Variants in EPS15 observed in about 807,000 individuals in gnomAD.
The protein encoded by EPS15 is epidermal growth factor receptor substrate 15.
A neutral mutation model predicts 113.8 loss-of-function variants in EPS15; 72 were observed. The ratio of observed to expected loss-of-function variants is 0.63; its 90% CI spans 0.52 to 0.77. EPS15 has a LOEUF of 0.77. Among genes scored for constraint, EPS15 ranks in the 30% least tolerant of loss-of-function variants. EPS15 has a pLI of 0.00. For synonymous variants in EPS15, 344 were observed against 363.4 expected (o/e 0.95, Z 0.61); for missense variants, 1,048 against 1,045.8 (o/e 1.00, Z -0.03).
intron 7 of EPS15, among the ~76,000 whole-genome samples, chr1:51,462,870 ATTTTTTTTTTTT>A (rs34320767): frequency 9.0e-6 from 1 of 111,070 alleles, no homozygotes; most frequent in Non-Finnish European, 1.8e-5. Flanking sequence ...AAAAAGTCAG[ATTTTTTTTTTTT>A]TTTTTTTTTT....
intron 1 of EPS15, among the ~76,000 whole-genome samples, chr1:51,509,731 T>C (rs1644584741): frequency 1.3e-5 from 2 of 152,232 alleles, no homozygotes; most frequent in South Asian, 4.1e-4. Context: ...TACCTTCTAC[T>C]ATGTCTACAA....
chr1:51,498,194 T>C (rs764194108), intron 1 of EPS15, among the ~76,000 whole-genome samples: 2 of 152,130 alleles, frequency 1.3e-5, no homozygotes, highest in African/African-American at 2.4e-5. Context: ...TCATAAAAGG[T>C]ACAATGGAAC....
intron 2 of EPS15, among the ~76,000 whole-genome samples, chr1:51,473,894 T>C (rs1312963873): frequency 6.6e-6 from 1 of 152,110 alleles, no homozygotes; most frequent in African/African-American, 2.4e-5. Flanking sequence ...AAGAAAAACA[T>C]GGCCTAATCC....
intron 21 of EPS15, chr1:51,372,651 G>T: frequency 2.3e-6 from 1 of 443,632 alleles, no homozygotes. Flanking sequence ...AAAGGATCTG[G>T]GGCTGCCCAC....
chr1:51,367,917 A>C (rs1646543659), intron 21 of EPS15, among the ~76,000 whole-genome samples: 1 of 152,228 alleles, frequency 6.6e-6, no homozygotes, highest in Non-Finnish European at 1.5e-5. Context: ...AGATCACCTG[A>C]GGTCAGGAGT....
At chr1:51,501,150 G>A (rs1644404660) in intron 1 of EPS15, among the ~76,000 whole-genome samples, 1 of 152,070 alleles carries the variant, frequency 6.6e-6, no homozygotes, top group Non-Finnish European at 1.5e-5. Context: ...GCTCACGCCT[G>A]TAATCCCAGC....
chr1:51,423,160 G>C (rs146282044), intron 12 of EPS15: 1 of 1,265,188 alleles, frequency 7.9e-7, no homozygotes, highest in East Asian at 5.6e-5. Context: ...AAAGCTATTT[G>C]TACACTGTTA....
intron 1 of EPS15, among the ~76,000 whole-genome samples, chr1:51,482,491 A>T (rs1447940369): frequency 6.6e-6 from 1 of 152,104 alleles, no homozygotes; most frequent in Non-Finnish European, 1.5e-5. Flanking sequence ...GAGTAAAAAA[A>T]AATGAAGTCG....
intron 23 of EPS15, 152 bp downstream of exon 23, chr1:51,363,714 G>T: frequency 1.9e-6 from 1 of 537,682 alleles, no homozygotes; most frequent in Non-Finnish European, 3.1e-6. Flanking sequence ...CTGTAATTCA[G>T]CAGTTAGGTC....
chr1:51,504,106 T>C (rs533507093), intron 1 of EPS15, among the ~76,000 whole-genome samples: 1 of 152,230 alleles, frequency 6.6e-6, no homozygotes, highest in Admixed American at 6.5e-5. Context: ...AAATTAGACT[T>C]TATAAAAATT....
At chr1:51,468,933 A>C (rs111639813) in intron 4 of EPS15, among the ~76,000 whole-genome samples, 197 of 152,104 alleles carry the variant, frequency 1.3e-3, no homozygotes, top group African/African-American at 4.4e-3. Context: ...TATGAGACCA[A>C]CCTGGCCAAC....
rs561036982 is a variant in EPS15, at chr1:51,433,713, G to C, written c.1040+6634C>G. On this transcript the variant is annotated intron_variant, in intron 12 of 24. Coordinates refer to ENST00000371733, the MANE Select transcript of EPS15 (RefSeq NM_001981.3). ...AGTGAACTTACATAAAGAAGGCACA[G>C]TACAATGCCTGATAACTATTATTCT... 1.6e-4 allele frequency among the ~76,000 whole-genome samples: 25 copies of C among 152,348 alleles called. No homozygotes were observed. In the South Asian group the frequency reaches 4.6e-3, roughly 28 times the overall value.
intron 19 of EPS15, 106 bp from the exon 20 acceptor site, chr1:51,399,271 C>T (rs567616750): frequency 1.0e-5 from 11 of 1,068,914 alleles, no homozygotes; most frequent in Non-Finnish European, 1.5e-5. Context: ...CAGTCTGGGG[C>T]CAGGTGCAGT....
chr1:51,365,070 A>C (rs1646478689), intron 22 of EPS15, among the ~76,000 whole-genome samples: 1 of 152,130 alleles, frequency 6.6e-6, no homozygotes, highest in Non-Finnish European at 1.5e-5. Flanking sequence ...GAGCTCAGAC[A>C]ATCCACCTGC....
rs150047727 is a variant in EPS15 at position 51,471,814 on chromosome 1, T to C, written c.166-77A>G. ...TGAATGATAAATTAAATCTCTGCTA[T>C]TTACAACCTCAGGCTCTCTGGTAAT... On this transcript the variant is annotated intron_variant, in intron 3 of 24. Coordinates refer to ENST00000371733, the MANE Select transcript of EPS15 (RefSeq NM_001981.3). The C allele has an allele frequency of 3.6e-4, 371 of 1,034,120 alleles. 1 individual carries two copies. The East Asian group carries it at 5.5e-3, about 15-fold the overall frequency. 64.1% of individuals were successfully genotyped at this position (1,034,120 alleles called of 1,614,324 possible).
chr1:51,444,889 C>G lies in EPS15; in HGVS notation c.954G>C (p.Lys318Asn), dbSNP rs775241358. The G allele has an allele frequency of 3.1e-6, 5 of 1,610,678 alleles. No homozygotes were observed. In the African/African-American group the frequency reaches 6.7e-5, roughly 22 times the overall value. The change falls in exon 11 of 25, where the codon AAG becomes AAC. Residue 318 changes from lysine to asparagine, a missense_variant and splice_region_variant. By Grantham distance (94) the Lys-to-Asn change is moderately conservative (BLOSUM62 0). Coordinates refer to ENST00000371733, the MANE Select transcript of EPS15 (RefSeq NM_001981.3). ...CAGGTTTCCTTTTAAGCTTTCTTAC[C>G]TTTTGTAAACTGGCCCTGTCTGATG... Reference protein sequence around the residue: ...IPPSDRASLQKNIIGSSPVAD... With the variant: ...IPPSDRASLQNNIIGSSPVAD...
intron 12 of EPS15, among the ~76,000 whole-genome samples, chr1:51,432,181 T>C (rs952394521): frequency 6.6e-6 from 1 of 152,158 alleles, no homozygotes; most frequent in African/African-American, 2.4e-5. Flanking sequence ...TCAATAATTA[T>C]TGCTGTATTA....
At chr1:51,472,817 T>G (rs1369759570) in intron 3 of EPS15, 42 bp downstream of exon 3, 1 of 1,437,890 alleles carries the variant, frequency 7.0e-7, no homozygotes, top group Admixed American at 1.7e-5. Flanking sequence ...TAGTACACAT[T>G]CCTTACAAAC....
At position 51,369,181 on chromosome 1, in the gene EPS15, A is replaced by G. The variant is rs557419148; in HGVS notation, c.2120-3152T>C. ...TATGAAGAATATATAGTACCTTACT[A>G]AAGAGTTTTTCTACACTTTCCTCAT... On this transcript the variant is annotated intron_variant, in intron 21 of 24. Coordinates refer to ENST00000371733, the MANE Select transcript of EPS15 (RefSeq NM_001981.3). Among the ~76,000 whole-genome samples, 6 of 152,354 alleles carry G rather than the reference A, an allele frequency of 3.9e-5. No individual in the cohort carries two copies. In the South Asian group the frequency reaches 6.2e-4, roughly 16 times the overall value.
Sources: allele counts gnomAD v4.1 joint callset (sites outside exome capture counted in the v4.1 genomes callset), GRCh38; gene constraint gnomAD v4.1.1; transcripts MANE v1.5; gene names NCBI Gene and HGNC (gene_info 2026-07-23, HGNC 2026-07-21).